PRRT1B: variants seen among roughly 807,000 people sequenced by gnomAD.
The protein encoded by PRRT1B is dispanin subfamily D member 2.
chr9:131,555,774 G>T (rs1951044994), intron 2 of PRRT1B, among the ~76,000 whole-genome samples: 2 of 152,160 alleles, frequency 1.3e-5, no homozygotes, highest in African/African-American at 2.4e-5. Flanking sequence ...GGGGTGGCGA[G>T]CCCAGTGAGG....
intron 1 of PRRT1B, among the ~76,000 whole-genome samples, chr9:131,553,211 G>A (rs958253426): frequency 8.3e-6 from 1 of 120,186 alleles, no homozygotes; most frequent in African/African-American, 3.4e-5. Flanking sequence ...TTGTTGTGCA[G>A]GCATCACCAC....
intron 1 of PRRT1B, among the ~76,000 whole-genome samples, chr9:131,547,945 G>C (rs9776117): frequency 0.28 from 42,756 of 151,936 alleles, 6,200 homozygotes; most frequent in Middle Eastern, 0.36. Context: ...CTCTGGCACC[G>C]GTCACGGACT....
chr9:131,546,034 A>G (rs1240308695), intron 1 of PRRT1B, among the ~76,000 whole-genome samples: 2 of 152,088 alleles, frequency 1.3e-5, no homozygotes, highest in African/African-American at 2.4e-5. Context: ...TGCTGTGGAA[A>G]GTTCAGGAGC....
chr9:131,553,138 C>T (rs960027874), intron 1 of PRRT1B, among the ~76,000 whole-genome samples: 1 of 152,154 alleles, frequency 6.6e-6, no homozygotes, highest in Admixed American at 6.5e-5. Context: ...ATATGTATAA[C>T]ATACGATTTA....
At chr9:131,545,630 T>TGGAGGGGCAGGAGCC in exon 1 of PRRT1B, 1 of 399,020 alleles carries the variant, frequency 2.5e-6, no homozygotes, top group African/African-American at 2.1e-5. Context: ...AGGCAGGAGC[T>TGGAGGGGCAGGAGCC]GGAGGGGCAG....
intron 1 of PRRT1B, among the ~76,000 whole-genome samples, chr9:131,547,065 C>CTTTTTTTTTTTTTT (rs549825970): frequency 1.2e-4 from 12 of 100,768 alleles, no homozygotes; most frequent in African/African-American, 3.9e-4. Context: ...CTCCTGTTCG[C>CTTTTTTTTTTTTTT]TTTTTTTTTT....
At chr9:131,556,445 G>T (rs1951050906) in intron 3 of PRRT1B, among the ~76,000 whole-genome samples, 1 of 152,208 alleles carries the variant, frequency 6.6e-6, no homozygotes, top group Admixed American at 6.5e-5. Context: ...ACAATTCACG[G>T]TAAAGCTGTG....
intron 1 of PRRT1B, among the ~76,000 whole-genome samples, chr9:131,553,779 T>C (rs1381059523): frequency 6.6e-6 from 1 of 152,236 alleles, no homozygotes; most frequent in Non-Finnish European, 1.5e-5. Flanking sequence ...GGGAGGCCAC[T>C]CTGCGATTCT....
At chr9:131,559,731 T>C (rs146250140), downstream of PRRT1B, among the ~76,000 whole-genome samples, 61 of 152,338 alleles carry the variant, frequency 4.0e-4, 1 homozygote, top group East Asian at 0.011. Context: ...TTCCCAGTGA[T>C]GCTGAAGCTG....
intron 1 of PRRT1B, among the ~76,000 whole-genome samples, chr9:131,547,113 C>T (rs958895782): frequency 2.3e-5 from 3 of 131,722 alleles, no homozygotes; most frequent in African/African-American, 9.7e-5. Context: ...GTTCTATTGC[C>T]CAGGCTGGAG....
At chr9:131,554,532 C>G (rs1207102538) in intron 1 of PRRT1B, 25 bp from the exon 2 acceptor site, 2 of 392,568 alleles carry the variant, frequency 5.1e-6, no homozygotes, top group Non-Finnish European at 9.0e-6. Context: ...GCCTCTTGCT[C>G]ACGACCGCTG....
chr9:131,547,064 G>GTT, intron 1 of PRRT1B, among the ~76,000 whole-genome samples: 2 of 76,372 alleles, frequency 2.6e-5, no homozygotes, highest in African/African-American at 2.1e-4. Flanking sequence ...CCTCCTGTTC[G>GTT]CTTTTTTTTT....
At position 131,551,301 on chromosome 9, in the gene PRRT1B, C is replaced by T. The variant is rs547317622; in HGVS notation, c.26-3256C>T. ...CCAGGCCATCACCAATCATTCTATA[C>T]GACAAATGCTCCTTCTAACAACCCC... On this transcript the variant is annotated intron_variant, in intron 1 of 3. Coordinates refer to ENST00000636672, the Ensembl canonical transcript of PRRT1B. This position sits in a 1 kb window ranked among gnomAD's most constrained non-coding sequence, Gnocchi z 4.4. 2.8e-4 allele frequency among the ~76,000 whole-genome samples: 43 copies of T among 152,096 alleles called. No homozygotes were observed. The highest frequency in any genetic ancestry group is 1.5e-3 in the Admixed American group (23 of 15,250).
chr9:131,551,044 G>A lies in PRRT1B; in HGVS notation c.26-3513G>A, dbSNP rs1166044269. On this transcript the variant is annotated intron_variant, in intron 1 of 3. Transcript: ENST00000636672. This position sits in a 1 kb window ranked among gnomAD's most constrained non-coding sequence, Gnocchi z 4.4. ...TGCAAGCTCTGCCTCCCGGGTTCAC[G>A]CCATTCTTCTGCCTCAGCCTCCCGA... Among the ~76,000 whole-genome samples the A allele has an allele frequency of 1.4e-5, 2 of 138,132 alleles. No homozygotes were observed. The highest frequency in any genetic ancestry group is 8.1e-5 in the Admixed American group (1 of 12,346). 90.6% of individuals were successfully genotyped at this position (138,132 alleles called of 152,430 possible).
intron 1 of PRRT1B, among the ~76,000 whole-genome samples, chr9:131,546,871 T>C (rs539478773): frequency 1.5e-4 from 23 of 152,204 alleles, no homozygotes; most frequent in African/African-American, 5.3e-4. Flanking sequence ...GTTTTTGTTA[T>C]GATAGCTGGG....
At chr9:131,552,077 G>A (rs1295917113) in intron 1 of PRRT1B, among the ~76,000 whole-genome samples, 1 of 152,186 alleles carries the variant, frequency 6.6e-6, no homozygotes, top group African/African-American at 2.4e-5. Context: ...ACCGGAGTGA[G>A]CCACCGCATC....
intron 3 of PRRT1B, among the ~76,000 whole-genome samples, chr9:131,557,046 G>A (rs1209333948): frequency 2.7e-5 from 4 of 150,456 alleles, no homozygotes; most frequent in African/African-American, 9.7e-5. Context: ...TCATCCATCT[G>A]CCTACTCACC....
chr9:131,558,461 G>A (rs889648441), exon 4 of PRRT1B: 24 of 336,258 alleles, frequency 7.1e-5, no homozygotes, highest in African/African-American at 2.5e-4. Flanking sequence ...GGCCCCAGCC[G>A]TGGGACAGGA....
At chr9:131,559,608 C>T (rs569353390), downstream of PRRT1B, among the ~76,000 whole-genome samples, 13 of 152,352 alleles carry the variant, frequency 8.5e-5, no homozygotes, top group African/African-American at 3.1e-4. Context: ...AGCCCAGTCC[C>T]TCCTCCAGAA....
Sources: allele counts gnomAD v4.1 joint callset (sites outside exome capture counted in the v4.1 genomes callset), GRCh38; gene constraint gnomAD v4.1.1; non-coding constraint Gnocchi (gnomAD v3.1); transcripts MANE v1.5; gene names NCBI Gene and HGNC (gene_info 2026-07-23, HGNC 2026-07-21).